The following RAVER2 variants were observed in gnomAD, a reference collection of about 807,000 sequenced individuals.
The protein encoded by RAVER2 is ribonucleoprotein PTB-binding 2.
In RAVER2, 46 loss-of-function variants were observed where a neutral mutation model predicts 78.1. The observed-to-expected ratio is 0.59, with a 90% CI of 0.46 to 0.75. The LOEUF (loss-of-function observed/expected upper bound fraction) is 0.75, where lower values mean the gene tolerates loss of function less well. Ranked by LOEUF, RAVER2 falls within the 30% of genes least tolerant of loss-of-function variation. The pLI, the probability that RAVER2 is intolerant of heterozygous loss-of-function variation, is 0.00. For missense variants in RAVER2, 793 were observed against 837.5 expected, an observed-to-expected ratio of 0.95 and a Z score of 0.66; for synonymous variants, 311 against 313.3, an observed-to-expected ratio of 0.99 and a Z score of 0.08.
chr1:64,811,607 A>G (rs1448666436), intron 9 of RAVER2, among the ~76,000 whole-genome samples: 2 of 152,240 alleles, frequency 1.3e-5, no homozygotes, highest in African/African-American at 4.8e-5. Flanking sequence ...TAAATACTAC[A>G]GTACTGTAAA....
chr1:64,800,511 T>A (rs952563107), intron 5 of RAVER2, among the ~76,000 whole-genome samples: 1 of 152,204 alleles, frequency 6.6e-6, no homozygotes, highest in Non-Finnish European at 1.5e-5. Context: ...CATATGAATA[T>A]TCCGTTTTCC....
chr1:64,771,530 T>C (rs549855693), intron 2 of RAVER2, among the ~76,000 whole-genome samples: 103 of 152,176 alleles, frequency 6.8e-4, no homozygotes, highest in African/African-American at 2.4e-3. Context: ...TTTTTCTTAA[T>C]ATTGAAATCT....
At chr1:64,820,595 A>T (rs1357300329) in intron 11 of RAVER2, among the ~76,000 whole-genome samples, 4 of 152,016 alleles carry the variant, frequency 2.6e-5, no homozygotes, top group African/African-American at 9.7e-5. Flanking sequence ...AGCAGAGTCC[A>T]TTGTTTCATT....
chr1:64,805,449 C>T lies in RAVER2; in HGVS notation c.1411+344C>T, dbSNP rs187284139. 3.8e-4 allele frequency among the ~76,000 whole-genome samples: 58 copies of T among 152,122 alleles called. No individual in the cohort carries two copies. The East Asian group carries it at 7.5e-3, about 20-fold the overall frequency. ...ATGTAATTATTGCTGGGATAAGAAA[C>T]CATTCACTTTTATTTTTTAAAATCT... is the stretch of plus-strand genomic sequence containing the variant. On this transcript the variant is annotated intron_variant, in intron 8 of 11. Transcript: ENST00000294428.
chr1:64,819,459 G>C (rs917225525), intron 11 of RAVER2, among the ~76,000 whole-genome samples: 1 of 152,018 alleles, frequency 6.6e-6, no homozygotes, highest in Non-Finnish European at 1.5e-5. Context: ...ATTTTTAAAA[G>C]CACAATGAAC....
chr1:64,783,384 C>T (rs1652688188), intron 4 of RAVER2, among the ~76,000 whole-genome samples: 1 of 152,214 alleles, frequency 6.6e-6, no homozygotes, highest in Non-Finnish European at 1.5e-5. Context: ...CACATCCTCT[C>T]TAGCATCTGT....
Position 64,745,444 on chromosome 1 carries a change from G to C in RAVER2, c.249+23G>C, listed in dbSNP as rs1006639516. On this transcript the variant is annotated intron_variant, in intron 1 of 11. Coordinates refer to ENST00000294428, the Ensembl canonical transcript of RAVER2. The surrounding 1 kb of genome is among the most constrained non-coding windows in gnomAD (Gnocchi z 4.3). ...CAGGTACTGGGACGGTGATAGGGGC[G>C]ACGCGTCCCGAGGGGCGGCGGGGCG... 4 of 1,510,794 alleles carry C rather than the reference G, an allele frequency of 2.6e-6. No individual in the cohort carries two copies. In the Admixed American group the frequency reaches 6.1e-5, roughly 23 times the overall value. 93.6% of individuals were successfully genotyped at this position (1,510,794 alleles called of 1,614,324 possible).
At chr1:64,825,763 C>T (rs1266772721) in intron 11 of RAVER2, among the ~76,000 whole-genome samples, 1 of 152,228 alleles carries the variant, frequency 6.6e-6, no homozygotes, top group Non-Finnish European at 1.5e-5. Flanking sequence ...TTTCTACATT[C>T]ACTTGGAAAT....
At chr1:64,807,267 T>A (rs780996179) in exon 9 of RAVER2, 2 of 1,614,206 alleles carry the variant, frequency 1.2e-6, no homozygotes, top group South Asian at 1.1e-5. Context: ...TACCATTCTT[T>A]CCAAATCAGC....
intron 8 of RAVER2, among the ~76,000 whole-genome samples, chr1:64,805,644 A>G (rs556671963): frequency 3.3e-5 from 5 of 152,204 alleles, no homozygotes; most frequent in Non-Finnish European, 7.4e-5. Context: ...AAGACTTCTT[A>G]TTTGAATGTG....
intron 9 of RAVER2, among the ~76,000 whole-genome samples, chr1:64,808,186 C>T (rs1205071428): frequency 6.6e-6 from 1 of 151,936 alleles, no homozygotes; most frequent in Non-Finnish European, 1.5e-5. Context: ...GGCTAAAATA[C>T]CACTGATATT....
chr1:64,773,596 T>A (rs1652380886), intron 2 of RAVER2, among the ~76,000 whole-genome samples: 1 of 152,192 alleles, frequency 6.6e-6, no homozygotes, highest in Admixed American at 6.5e-5. Context: ...GACATTTGGG[T>A]TGGATCCAAG....
chr1:64,817,095 A>G (rs1653773562), intron 11 of RAVER2, among the ~76,000 whole-genome samples: 1 of 152,236 alleles, frequency 6.6e-6, no homozygotes, highest in Non-Finnish European at 1.5e-5. Flanking sequence ...TGGGCAAAAG[A>G]TATGAACAGA....
At chr1:64,772,875 A>G (rs566255345) in intron 2 of RAVER2, among the ~76,000 whole-genome samples, 1 of 152,324 alleles carries the variant, frequency 6.6e-6, no homozygotes, top group South Asian at 2.1e-4. Flanking sequence ...GTAGAGCATG[A>G]TTACCAATCT....
intron 6 of RAVER2, 62 bp downstream of exon 6, chr1:64,803,123 T>C: frequency 7.9e-7 from 1 of 1,266,074 alleles, no homozygotes; most frequent in Non-Finnish European, 1.1e-6. Flanking sequence ...TTGTTTGTTC[T>C]TAACACTTAA....
At chr1:64,789,612 A>C in intron 5 of RAVER2, 98 bp downstream of exon 5, 3 of 971,214 alleles carry the variant, frequency 3.1e-6, no homozygotes, top group Non-Finnish European at 4.1e-6. Context: ...ATTTGTGAAA[A>C]ATATATTTAA....
chr1:64,823,802 ATT>A (rs759134955), intron 11 of RAVER2, among the ~76,000 whole-genome samples: 5,102 of 122,666 alleles, frequency 0.042, 161 homozygotes, highest in East Asian at 0.24. Flanking sequence ...GTAAGTTGTG[ATT>A]TTTTTTTTTT....
chr1:64,778,573 G>A (rs183628457), intron 3 of RAVER2, among the ~76,000 whole-genome samples: 91 of 152,172 alleles, frequency 6.0e-4, no homozygotes, highest in Non-Finnish European at 1.1e-3. Context: ...AGTTTAAAAG[G>A]AATGTGTAGT....
chr1:64,771,194 G>A (rs1207475144), intron 2 of RAVER2, among the ~76,000 whole-genome samples: 2 of 151,754 alleles, frequency 1.3e-5, no homozygotes, highest in Non-Finnish European at 2.9e-5. Flanking sequence ...CATTTAGCGG[G>A]ACAAAGATTA....
Sources: gnomAD v4.1 joint callset for allele counts (sites outside exome capture counted in the v4.1 genomes callset) on GRCh38, gnomAD v4.1.1 for gene constraint, Gnocchi (gnomAD v3.1) non-coding constraint, MANE v1.5 for transcripts, NCBI Gene and HGNC (gene_info 2026-07-23, HGNC 2026-07-21) for gene names.